Variants in UBAC2 observed in about 807,000 individuals in gnomAD.
The protein encoded by UBAC2 is UBA domain containing 2, also known as ubiquitin-associated domain-containing protein 2.
In UBAC2, 26 loss-of-function variants were observed where a neutral mutation model predicts 44.0. That is an observed-to-expected ratio of 0.59 (90% CI 0.43 to 0.82). The LOEUF (loss-of-function observed/expected upper bound fraction) is 0.82. UBAC2 is among the 40% of genes least tolerant of loss of function. The probability of loss-of-function intolerance (pLI) is 0.00; values close to 1 mark genes in which losing one functional copy is unlikely to be tolerated. For synonymous variants in UBAC2, 155 were observed against 154.3 expected, an observed-to-expected ratio of 1.00 and a Z score of -0.04; for missense variants, 329 against 419.4, an observed-to-expected ratio of 0.78 and a Z score of 1.88.
In UBAC2 at chr13:99,385,222, C is replaced by T; in HGVS notation, c.928-6C>T. 6.2e-7 allele frequency: 1 copy of T among 1,612,514 alleles called. No individual in the cohort carries two copies. The highest frequency in any genetic ancestry group is 8.5e-7 in the Non-Finnish European group (1 of 1,178,542). ...CCTCAGGTTTCTGCGTTTTCTCTGC[C>T]TGCAGGTCGCCCGGCTCATGGAGAT... On this transcript the variant is annotated splice_polypyrimidine_tract_variant and splice_region_variant and intron_variant, in intron 8 of 8. Transcript: ENST00000403766.
At chr13:99,216,834 C>CTTTTTT (rs11338165) in intron 1 of UBAC2, among the ~76,000 whole-genome samples, 3 of 140,648 alleles carry the variant, frequency 2.1e-5, no homozygotes, top group Non-Finnish European at 1.5e-5. Context: ...TTTCTTTTTT[C>CTTTTTT]TTTTTTTTTT....
chr13:99,279,807 C>G (rs2043929758), intron 4 of UBAC2, among the ~76,000 whole-genome samples: 1 of 152,192 alleles, frequency 6.6e-6, no homozygotes, highest in Non-Finnish European at 1.5e-5. Context: ...TATAAGGGCA[C>G]TAATCCTATT....
chr13:99,288,120 C>G (rs896366418), intron 4 of UBAC2, among the ~76,000 whole-genome samples: 4 of 152,150 alleles, frequency 2.6e-5, no homozygotes, highest in Admixed American at 6.5e-5. Flanking sequence ...GATTAGGTCT[C>G]AAACCTTTTG....
chr13:99,210,696 C>T (rs951821318), intron 1 of UBAC2, among the ~76,000 whole-genome samples: 10 of 151,972 alleles, frequency 6.6e-5, no homozygotes, highest in African/African-American at 2.2e-4. Flanking sequence ...AGGCTGGTCT[C>T]AAACTCCCGA....
chr13:99,200,873 C>G lies in UBAC2; in HGVS notation c.-36C>G. ...GGGCTCGCACTTCAGCTTCCCCTCC[C>G]CCGGCGCCCTCTGGGGCTCCGAGCC... On this transcript the variant is annotated 5_prime_UTR_variant, in exon 1 of 9. Coordinates refer to ENST00000403766, the MANE Select transcript of UBAC2 (RefSeq NM_001144072.2). 3.9e-6 allele frequency: 5 copies of G among 1,295,300 alleles called. No individual in the cohort carries two copies. The highest frequency in any genetic ancestry group is 4.9e-6 in the Non-Finnish European group (5 of 1,013,092). 80.2% of individuals were successfully genotyped at this position (1,295,300 alleles called of 1,614,324 possible).
chr13:99,225,219 T>A (rs373148694), intron 1 of UBAC2, among the ~76,000 whole-genome samples: 2 of 152,188 alleles, frequency 1.3e-5, no homozygotes, highest in African/African-American at 2.4e-5. Flanking sequence ...ATTAAGTACG[T>A]TCATATTGTG....
chr13:99,362,451 G>C (rs2045277590), intron 7 of UBAC2, among the ~76,000 whole-genome samples: 1 of 152,138 alleles, frequency 6.6e-6, no homozygotes, highest in East Asian at 1.9e-4. Flanking sequence ...TCTCCAAAAG[G>C]GTTGTGTCAG....
chr13:99,242,460 A>AC (rs1179921741), intron 2 of UBAC2, among the ~76,000 whole-genome samples: 51 of 76,286 alleles, frequency 6.7e-4, no homozygotes, highest in African/African-American at 2.4e-3. Flanking sequence ...CGGGGGGCTG[A>AC]CCCCCCCACC....
At chr13:99,352,668 C>T (rs375721828) in intron 7 of UBAC2, among the ~76,000 whole-genome samples, 8 of 152,192 alleles carry the variant, frequency 5.3e-5, no homozygotes, top group Admixed American at 1.3e-4. Context: ...TTTTCATTAC[C>T]GTCTATTCCG....
chr13:99,323,278 A>G (rs1265980681), intron 6 of UBAC2, among the ~76,000 whole-genome samples: 1 of 152,120 alleles, frequency 6.6e-6, no homozygotes, highest in Non-Finnish European at 1.5e-5. Context: ...CTAGTAGTTC[A>G]TTGAAAATGA....
chr13:99,370,579 C>G (rs1368889752), intron 8 of UBAC2, among the ~76,000 whole-genome samples: 1 of 152,190 alleles, frequency 6.6e-6, no homozygotes, highest in Non-Finnish European at 1.5e-5. Flanking sequence ...TTCCCTGTCC[C>G]CAGAGTGAAC....
At chr13:99,247,790 A>T (rs1464972995) in intron 4 of UBAC2, among the ~76,000 whole-genome samples, 1 of 151,962 alleles carries the variant, frequency 6.6e-6, no homozygotes, top group African/African-American at 2.4e-5. Context: ...TGCACCTAAC[A>T]TCTAATATTT....
intron 5 of UBAC2, among the ~76,000 whole-genome samples, chr13:99,315,447 T>G (rs1315667407): frequency 6.6e-6 from 1 of 152,192 alleles, no homozygotes; most frequent in Admixed American, 6.5e-5. Flanking sequence ...CACTGTATAG[T>G]TCTTCCAACT....
intron 1 of UBAC2, chr13:99,201,392 G>GACCTCTCAGTGAA (rs780530654): frequency 6.2e-7 from 1 of 1,604,052 alleles, no homozygotes; most frequent in Non-Finnish European, 8.5e-7. Context: ...TTTAGAAGCT[G>GACCTCTCAGTGAA]ACCTCTCAGT....
intron 4 of UBAC2, chr13:99,255,840 G>A (rs2043544560): frequency 6.3e-7 from 1 of 1,598,610 alleles, no homozygotes; most frequent in Non-Finnish European, 8.5e-7. Flanking sequence ...TGTTAAAAGG[G>A]ACAGGTTGAT....
rs1444336566 is a variant in UBAC2 at position 99,367,912 on chromosome 13, TAATC to T, written c.927+8_927+11del. ...TAGAAGTTTCTGAGGAACAGGTAAT[TAATC>T]AGTAATACCTGGTACTCATTCTAAA... On this transcript the variant is annotated splice_region_variant and intron_variant, in intron 8 of 8. Coordinates refer to ENST00000403766, the MANE Select transcript of UBAC2 (RefSeq NM_001144072.2). 3.7e-6 allele frequency: 6 copies of T among 1,613,396 alleles called. No individual in the cohort carries two copies. Among genetic ancestry groups the T allele is most frequent in the Non-Finnish European group, 5.1e-6 (6 of 1,179,682 alleles).
intron 4 of UBAC2, among the ~76,000 whole-genome samples, chr13:99,260,193 C>T (rs563284101): frequency 3.9e-5 from 6 of 152,316 alleles, no homozygotes; most frequent in East Asian, 3.8e-4. Flanking sequence ...CTCTGCCCTC[C>T]GAAGCTGGGC....
At chr13:99,296,096 T>G in intron 4 of UBAC2, 2 of 1,612,516 alleles carry the variant, frequency 1.2e-6, no homozygotes, top group Non-Finnish European at 1.7e-6. Context: ...GTCATTTCCC[T>G]GAGGAGTTGC....
intron 2 of UBAC2, among the ~76,000 whole-genome samples, chr13:99,239,923 G>T (rs1469458154): frequency 6.6e-6 from 1 of 152,204 alleles, no homozygotes; most frequent in African/African-American, 2.4e-5. Context: ...TACCTCTGGA[G>T]AGTCTTAGGG....
Sources: allele counts gnomAD v4.1 joint callset (sites outside exome capture counted in the v4.1 genomes callset), GRCh38; gene constraint gnomAD v4.1.1; transcripts MANE v1.5; gene names NCBI Gene and HGNC (gene_info 2026-07-23, HGNC 2026-07-21).